Variants in NCOA2 observed in about 807,000 individuals in gnomAD.
NCOA2 encodes the protein class E basic helix-loop-helix protein 75.
NCOA2 carries 21 observed loss-of-function variants against 145.1 expected under a neutral mutation model. The ratio of observed to expected loss-of-function variants is 0.14; its 90% CI spans 0.10 to 0.21. The LOEUF (loss-of-function observed/expected upper bound fraction) is 0.21. Ranked by LOEUF, NCOA2 falls within the 10% of genes least tolerant of loss-of-function variation. NCOA2 has a pLI of 1.00. For missense variants in NCOA2, 1,472 were observed against 1,837.6 expected (o/e 0.80, Z 3.64); for synonymous variants, 619 against 637.5 (o/e 0.97, Z 0.44).
chr8:70,371,404 CAAAAT>C (rs747639236), intron 1 of NCOA2, among the ~76,000 whole-genome samples: 9 of 151,754 alleles, frequency 5.9e-5, no homozygotes, highest in East Asian at 1.9e-4. Flanking sequence ...TAAAAAAATA[CAAAAT>C]AAAATAAAAT....
chr8:70,427,951 C>G, the NCOA2 span, among the ~76,000 whole-genome samples: 12 of 151,608 alleles, frequency 7.9e-5, no homozygotes, highest in Admixed American at 2.6e-4. Flanking sequence ...TTATATGCCA[C>G]AAAAATCAGT....
At chr8:70,301,634 T>C (rs951862535) in intron 1 of NCOA2, among the ~76,000 whole-genome samples, 6 of 122,664 alleles carry the variant, frequency 4.9e-5, no homozygotes, top group African/African-American at 2.0e-4. Flanking sequence ...CCAGCCTAGG[T>C]GACAGAGTGA....
At chr8:70,345,023 G>T (rs775146427) in intron 1 of NCOA2, among the ~76,000 whole-genome samples, 1 of 152,124 alleles carries the variant, frequency 6.6e-6, no homozygotes, top group Non-Finnish European at 1.5e-5. Context: ...ATCACGCCTG[G>T]AAACATTTAA....
At chr8:70,218,411 A>G (rs992808759) in intron 2 of NCOA2, among the ~76,000 whole-genome samples, 4 of 152,076 alleles carry the variant, frequency 2.6e-5, no homozygotes, top group East Asian at 1.9e-4. Context: ...TGGCCTGATA[A>G]TAAGTATAAT....
At chr8:70,143,623 T>C (rs73687609) in intron 13 of NCOA2, among the ~76,000 whole-genome samples, 8,728 of 152,252 alleles carry the variant, frequency 0.057, 845 homozygotes, top group African/African-American at 0.2. Flanking sequence ...CAGTTCACAG[T>C]TGCCATGAAT....
At chr8:70,190,855 G>C (rs542302347) in intron 4 of NCOA2, among the ~76,000 whole-genome samples, 1 of 152,216 alleles carries the variant, frequency 6.6e-6, no homozygotes, top group South Asian at 2.1e-4. Context: ...AAAAAGTAAA[G>C]TAAAAGAAAG....
intron 1 of NCOA2, among the ~76,000 whole-genome samples, chr8:70,370,469 C>G (rs1811112886): frequency 6.6e-6 from 1 of 152,100 alleles, no homozygotes; most frequent in South Asian, 2.1e-4. Context: ...TAAAAGGACT[C>G]AGGCAGTAGG....
Position 70,331,216 on chromosome 8 carries a change from A to C in NCOA2, c.-76-34416T>G, listed in dbSNP as rs1158208975. 2.0e-5 allele frequency among the ~76,000 whole-genome samples: 3 copies of C among 152,210 alleles called. No individual in the cohort carries two copies. The East Asian group carries it at 5.8e-4, about 29-fold the overall frequency. On this transcript the variant is annotated intron_variant, in intron 1 of 22. Coordinates refer to ENST00000452400, the MANE Select transcript of NCOA2 (RefSeq NM_006540.4). The stretch of plus-strand genomic sequence containing the variant: ...ATCAGGAGTAAAACTGTCACCTGCT[A>C]ATCATTTCTGGCACATAGAAACAAC...
At chr8:70,231,137 A>C (rs536876430) in intron 2 of NCOA2, among the ~76,000 whole-genome samples, 5 of 152,182 alleles carry the variant, frequency 3.3e-5, no homozygotes, top group Admixed American at 6.5e-5. Flanking sequence ...GTACTGTCAA[A>C]CTGTTTTCCA....
intron 1 of NCOA2, among the ~76,000 whole-genome samples, chr8:70,369,188 C>T (rs1469409179): frequency 6.6e-6 from 1 of 152,172 alleles, no homozygotes. Context: ...GTTCATTTTA[C>T]ACACTGACGT....
At chr8:70,447,609 ATAGT>A in the NCOA2 span, among the ~76,000 whole-genome samples, 1 of 150,108 alleles carries the variant, frequency 6.7e-6, no homozygotes, top group Non-Finnish European at 1.5e-5. Context: ...TCCCTGGTTG[ATAGT>A]TAATTTATAC....
chr8:70,330,883 G>T (rs1807036915), intron 1 of NCOA2, among the ~76,000 whole-genome samples: 1 of 152,116 alleles, frequency 6.6e-6, no homozygotes, highest in Admixed American at 6.5e-5. Context: ...CTACGAGCTG[G>T]TTATCTTCAG....
intron 2 of NCOA2, among the ~76,000 whole-genome samples, chr8:70,229,547 G>C (rs987029245): frequency 6.6e-6 from 1 of 152,174 alleles, no homozygotes; most frequent in Admixed American, 6.5e-5. Context: ...CAATGCTAGA[G>C]TTGTTGTGGG....
chr8:70,447,523 G>A, the NCOA2 span, among the ~76,000 whole-genome samples: 4 of 152,034 alleles, frequency 2.6e-5, no homozygotes, highest in African/African-American at 7.2e-5. Context: ...CACTTAGAGT[G>A]ACTGACTCAC....
chr8:70,118,753 A>G (rs1051330441), intron 22 of NCOA2, among the ~76,000 whole-genome samples: 1 of 149,216 alleles, frequency 6.7e-6, no homozygotes, highest in African/African-American at 2.5e-5. Flanking sequence ...CAACGGCATG[A>G]TCTCGGCTCA....
At chr8:70,273,282 C>T (rs1435126659) in intron 2 of NCOA2, 3 of 216,918 alleles carry the variant, frequency 1.4e-5, no homozygotes, top group Non-Finnish European at 2.8e-5. Context: ...CTTGCATCCC[C>T]GTGTGTGTGC....
chr8:70,388,644 G>A (rs1812893421), intron 1 of NCOA2, among the ~76,000 whole-genome samples: 1 of 151,964 alleles, frequency 6.6e-6, no homozygotes, highest in Admixed American at 6.5e-5. Flanking sequence ...CAATATACGA[G>A]TCACTCATTA....
chr8:70,209,619 T>C (rs899589565), intron 4 of NCOA2, among the ~76,000 whole-genome samples: 23 of 152,222 alleles, frequency 1.5e-4, no homozygotes, highest in African/African-American at 5.5e-4. Flanking sequence ...GCCATCAACA[T>C]TGAGGCAAGA....
intron 1 of NCOA2, among the ~76,000 whole-genome samples, chr8:70,342,134 T>C (rs531526556): frequency 6.6e-6 from 1 of 152,338 alleles, no homozygotes; most frequent in South Asian, 2.1e-4. Flanking sequence ...TAAGGAATTA[T>C]TCAGCCAACC....
Sources: gnomAD v4.1 joint callset for allele counts (sites outside exome capture counted in the v4.1 genomes callset) on GRCh38, gnomAD v4.1.1 for gene constraint, MANE v1.5 for transcripts, NCBI Gene and HGNC (gene_info 2026-07-23, HGNC 2026-07-21) for gene names.